RORA: variants seen among roughly 807,000 people sequenced by gnomAD.
The protein encoded by RORA is nuclear receptor ROR-alpha.
RORA carries 7 observed loss-of-function variants against 69.5 expected under a neutral mutation model. The ratio of observed to expected loss-of-function variants is 0.10; its 90% CI spans 0.06 to 0.19. RORA has a LOEUF of 0.19. RORA is among the 10% of genes least tolerant of loss of function. The pLI is 1.00. For synonymous variants in RORA, 261 were observed against 240.8 expected (o/e 1.08, Z -0.78); for missense variants, 457 against 663.0 (o/e 0.69, Z 3.41).
intron 1 of RORA, among the ~76,000 whole-genome samples, chr15:61,107,115 G>A (rs2078958827): frequency 6.6e-6 from 1 of 152,166 alleles, no homozygotes; most frequent in Admixed American, 6.5e-5. Flanking sequence ...AAAGCAGGGA[G>A]GTAATTACTT....
intron 2 of RORA, among the ~76,000 whole-genome samples, chr15:60,633,780 G>T (rs922701810): frequency 1.3e-5 from 2 of 152,190 alleles, no homozygotes; most frequent in Admixed American, 1.3e-4. Context: ...TAATTAAAAG[G>T]AACCATGATG....
At chr15:61,007,536 T>G (rs1051401719) in intron 1 of RORA, among the ~76,000 whole-genome samples, 2 of 151,988 alleles carry the variant, frequency 1.3e-5, no homozygotes, top group African/African-American at 4.8e-5. Context: ...TCAAATTTGT[T>G]CTAAAAATCA....
chr15:60,740,413 G>A (rs1036722328), intron 1 of RORA, among the ~76,000 whole-genome samples: 4 of 152,122 alleles, frequency 2.6e-5, no homozygotes, highest in African/African-American at 7.2e-5. Flanking sequence ...CACAGAATTC[G>A]GTCTGGCAAA....
chr15:60,567,409 TA>T (rs1464224706), intron 2 of RORA, among the ~76,000 whole-genome samples: 28 of 149,686 alleles, frequency 1.9e-4, no homozygotes, highest in African/African-American at 6.6e-4. Context: ...TTATTATTAT[TA>T]TTATTATTTT....
chr15:60,824,153 G>C (rs1209533654), intron 1 of RORA, among the ~76,000 whole-genome samples: 1 of 152,202 alleles, frequency 6.6e-6, no homozygotes, highest in East Asian at 1.9e-4. Flanking sequence ...GAAGAGATCT[G>C]CATGAGGAGA....
chr15:60,988,489 T>C (rs1414288429), intron 1 of RORA, among the ~76,000 whole-genome samples: 1 of 152,230 alleles, frequency 6.6e-6, no homozygotes, highest in African/African-American at 2.4e-5. Context: ...TGCTCATCTG[T>C]TGTTCCGCCT....
chr15:60,577,210 G>A (rs1029648136), intron 2 of RORA, among the ~76,000 whole-genome samples: 1 of 152,192 alleles, frequency 6.6e-6, no homozygotes. Context: ...TAGCTCATCT[G>A]ATAAATCTGT....
At chr15:60,651,462 A>G (rs551466831) in intron 2 of RORA, among the ~76,000 whole-genome samples, 33 of 152,262 alleles carry the variant, frequency 2.2e-4, no homozygotes, top group African/African-American at 7.7e-4. Context: ...CATACTCTGG[A>G]GCTTAGAAAA....
intron 1 of RORA, among the ~76,000 whole-genome samples, chr15:60,792,180 C>A (rs938697047): frequency 6.6e-6 from 1 of 152,048 alleles, no homozygotes; most frequent in Non-Finnish European, 1.5e-5. Flanking sequence ...ACTGTATGGG[C>A]TTAACAGCAG....
intron 1 of RORA, among the ~76,000 whole-genome samples, chr15:60,874,866 CTTTCACTT>C (rs2073596627): frequency 6.6e-6 from 1 of 152,170 alleles, no homozygotes; most frequent in South Asian, 2.1e-4. Context: ...GTTATTTAAT[CTTTCACTT>C]TTTCTCATTG....
intron 1 of RORA, among the ~76,000 whole-genome samples, chr15:61,101,273 A>AGT (rs1271527529): frequency 6.6e-6 from 1 of 152,230 alleles, no homozygotes; most frequent in East Asian, 1.9e-4. Flanking sequence ...ACAATGAACA[A>AGT]GTAATCACAT....
intron 2 of RORA, among the ~76,000 whole-genome samples, chr15:60,663,357 C>A (rs1005627668): frequency 5.3e-5 from 8 of 152,176 alleles, no homozygotes; most frequent in African/African-American, 1.9e-4. Context: ...GAGATAGACC[C>A]AACTTAGCCT....
chr15:61,138,182 G>C (rs1316681236), intron 1 of RORA, among the ~76,000 whole-genome samples: 1 of 152,180 alleles, frequency 6.6e-6, no homozygotes, highest in Non-Finnish European at 1.5e-5. Context: ...GGTAATCCAA[G>C]AAAGTGAGAA....
chr15:60,934,402 A>G (rs1194874720), intron 1 of RORA, among the ~76,000 whole-genome samples: 5 of 152,170 alleles, frequency 3.3e-5, no homozygotes, highest in African/African-American at 1.2e-4. Context: ...AAAAACAAAA[A>G]CACAGATTGC....
chr15:60,812,689 C>T (rs1244771112), intron 1 of RORA, among the ~76,000 whole-genome samples: 1 of 152,210 alleles, frequency 6.6e-6, no homozygotes, highest in Non-Finnish European at 1.5e-5. Context: ...CAGAGACACT[C>T]CCTCCTTGTC....
At chr15:61,035,373 A>C (rs1896403007) in intron 1 of RORA, among the ~76,000 whole-genome samples, 1 of 152,176 alleles carries the variant, frequency 6.6e-6, no homozygotes, top group Non-Finnish European at 1.5e-5. Context: ...TTACTTACCC[A>C]CACAACGTTA....
intron 2 of RORA, among the ~76,000 whole-genome samples, chr15:60,585,010 C>T (rs1013180442): frequency 3.3e-5 from 5 of 152,054 alleles, no homozygotes; most frequent in African/African-American, 7.2e-5. Flanking sequence ...AATAGGAACA[C>T]GTAAGCACTA....
At chr15:60,931,977 T>C (rs1452694872) in intron 1 of RORA, among the ~76,000 whole-genome samples, 1 of 152,164 alleles carries the variant, frequency 6.6e-6, no homozygotes, top group Non-Finnish European at 1.5e-5. Flanking sequence ...TTGATTATGG[T>C]ACCAATTCTA....
chr15:61,219,607 G>A (rs191804510), intron 1 of RORA, among the ~76,000 whole-genome samples: 44 of 151,954 alleles, frequency 2.9e-4, no homozygotes, highest in African/African-American at 8.2e-4. Context: ...CTCATTATTC[G>A]AACTTTGGAG....
Sources: allele counts gnomAD v4.1 joint callset (sites outside exome capture counted in the v4.1 genomes callset), GRCh38; gene constraint gnomAD v4.1.1; transcripts MANE v1.5; gene names NCBI Gene and HGNC (gene_info 2026-07-23, HGNC 2026-07-21).